SNX25: variants seen among roughly 807,000 people sequenced by gnomAD.
SNX25 encodes sorting nexin-25.
SNX25 carries 62 observed loss-of-function variants against 113.7 expected under a neutral mutation model. The observed-to-expected ratio is 0.55, with a 90% CI of 0.44 to 0.67. SNX25 has a LOEUF of 0.67. SNX25 is among the 30% of genes least tolerant of loss of function. The pLI, the probability that SNX25 is intolerant of heterozygous loss-of-function variation, is 0.00. For synonymous variants in SNX25, 421 were observed against 436.2 expected, an observed-to-expected ratio of 0.97 and a Z score of 0.43; for missense variants, 1,014 against 1,161.0, an observed-to-expected ratio of 0.87 and a Z score of 1.84.
At chr4:185,288,914 G>A (rs781652250) in intron 6 of SNX25, among the ~76,000 whole-genome samples, 3 of 152,162 alleles carry the variant, frequency 2.0e-5, no homozygotes, top group Non-Finnish European at 2.9e-5. Context: ...TCAAGTCTCC[G>A]CCAAGGAGAG....
chr4:185,225,397 T>C (rs978582983), intron 1 of SNX25, among the ~76,000 whole-genome samples: 16 of 152,252 alleles, frequency 1.1e-4, no homozygotes, highest in African/African-American at 3.6e-4. Context: ...GTGCTGGGAT[T>C]ACAGGCGTGA....
intron 5 of SNX25, among the ~76,000 whole-genome samples, chr4:185,275,233 C>T (rs889143831): frequency 3.9e-5 from 6 of 152,086 alleles, no homozygotes; most frequent in African/African-American, 1.4e-4. Context: ...TTTCTGACCC[C>T]TCATTTGAAG....
downstream of SNX25, chr4:185,370,638 A>T (rs762868946): frequency 6.2e-7 from 1 of 1,612,932 alleles, no homozygotes; most frequent in South Asian, 1.1e-5. Context: ...TCTAAAGCTT[A>T]CTTTAGAATA....
intron 6 of SNX25, among the ~76,000 whole-genome samples, chr4:185,310,393 T>A (rs530095781): frequency 1.1e-3 from 165 of 152,034 alleles, no homozygotes; most frequent in Non-Finnish European, 1.2e-3. Flanking sequence ...GAGGTTTTTT[T>A]AAAAAAATGT....
chr4:185,255,362 G>C (rs1002042077), intron 2 of SNX25, among the ~76,000 whole-genome samples: 11 of 152,142 alleles, frequency 7.2e-5, no homozygotes, highest in African/African-American at 2.7e-4. Context: ...TGGAACTCCT[G>C]ACCTCAGGTG....
intron 2 of SNX25, among the ~76,000 whole-genome samples, chr4:185,252,721 T>G (rs929328633): frequency 2.6e-5 from 4 of 152,182 alleles, no homozygotes; most frequent in African/African-American, 9.7e-5. Context: ...GTGTTGTAGC[T>G]CAGTATAAGT....
In SNX25 at chr4:185,210,005, C is replaced by T. The variant is rs946646526; in HGVS notation, c.179C>T (p.Pro60Leu). The T allele has an allele frequency of 3.9e-5, 38 of 983,788 alleles. No individual in the cohort carries two copies. The highest frequency in any genetic ancestry group is 5.2e-4 in the Middle Eastern group (1 of 1,910). 60.9% of individuals were successfully genotyped at this position (983,788 alleles called of 1,614,324 possible). ...CCGGGCGGCCGGAGCTGGTGGAAGCCCGTGGCGGTGGCCGCACTCGCCGCC... is the reference window on the plus strand; with the variant it reads ...CCGGGCGGCCGGAGCTGGTGGAAGCTCGTGGCGGTGGCCGCACTCGCCGCC... ...GAPGGRSWWK[P>L]VAVAALAAVA... The change falls in exon 1 of 19, where the codon CCC (proline) becomes CTC (leucine). Residue 60 changes from proline to leucine, a missense_variant. Coordinates refer to ENST00000652585, the MANE Select transcript of SNX25 (RefSeq NM_001378034.2). The surrounding 1 kb of genome is among the most constrained non-coding windows in gnomAD (Gnocchi z 4.4).
chr4:185,240,704 C>G (rs915661063), intron 1 of SNX25, among the ~76,000 whole-genome samples: 3 of 151,732 alleles, frequency 2.0e-5, no homozygotes, highest in African/African-American at 7.3e-5. Context: ...GGGGCTGACC[C>G]CCACCTCCCT....
chr4:185,346,951 A>G (rs2095290079), intron 13 of SNX25, among the ~76,000 whole-genome samples: 1 of 152,224 alleles, frequency 6.6e-6, no homozygotes, highest in Admixed American at 6.5e-5. Flanking sequence ...TCTAAAGGCA[A>G]CTGCTGTCCC....
intron 7 of SNX25, among the ~76,000 whole-genome samples, chr4:185,315,058 C>G (rs934784897): frequency 6.6e-5 from 10 of 151,044 alleles, no homozygotes; most frequent in South Asian, 6.3e-4. Context: ...GAAACCCCGT[C>G]TCTACTAAAA....
intron 6 of SNX25, among the ~76,000 whole-genome samples, chr4:185,300,050 T>G (rs562162829): frequency 3.3e-5 from 5 of 152,344 alleles, no homozygotes; most frequent in African/African-American, 1.2e-4. Context: ...AACTAAGTAG[T>G]TTTAGAATTT....
intron 10 of SNX25, among the ~76,000 whole-genome samples, chr4:185,335,209 A>C (rs1374084111): frequency 6.6e-6 from 1 of 151,566 alleles, no homozygotes. Context: ...AATCCCAGCT[A>C]CTCGGGAGGC....
chr4:185,228,886 G>A (rs1467370927), intron 1 of SNX25, among the ~76,000 whole-genome samples: 1 of 152,222 alleles, frequency 6.6e-6, no homozygotes, highest in Non-Finnish European at 1.5e-5. Context: ...GTATGGATCA[G>A]GAAGCAGGTT....
intron 9 of SNX25, among the ~76,000 whole-genome samples, chr4:185,325,577 C>T (rs764958075): frequency 5.4e-5 from 8 of 148,478 alleles, no homozygotes; most frequent in Admixed American, 3.3e-4. Context: ...GACTGATTTG[C>T]TGTATTATAT....
At chr4:185,318,569 A>G (rs80318996) in intron 7 of SNX25, among the ~76,000 whole-genome samples, 2,210 of 152,302 alleles carry the variant, frequency 0.015, 45 homozygotes, top group Middle Eastern at 0.061. Context: ...GATACTGTAA[A>G]CAAAAAGGCA....
chr4:185,343,270 G>T (rs1459031576), intron 12 of SNX25, among the ~76,000 whole-genome samples: 1 of 152,110 alleles, frequency 6.6e-6, no homozygotes, highest in East Asian at 1.9e-4. Context: ...TACCTTATGG[G>T]GTTGTTATGA....
chr4:185,330,548 T>C (rs2095187197), intron 9 of SNX25, among the ~76,000 whole-genome samples: 1 of 152,232 alleles, frequency 6.6e-6, no homozygotes, highest in Non-Finnish European at 1.5e-5. Context: ...TCATTTTGGA[T>C]AGCTCCAGTT....
intron 13 of SNX25, among the ~76,000 whole-genome samples, chr4:185,350,866 A>AG (rs1161510392): frequency 6.6e-6 from 1 of 152,214 alleles, no homozygotes; most frequent in Non-Finnish European, 1.5e-5. Context: ...CGTCTCAAAA[A>AG]AAAAGAAAAG....
intron 6 of SNX25, among the ~76,000 whole-genome samples, chr4:185,293,109 C>T (rs1205864309): frequency 6.6e-6 from 1 of 152,174 alleles, no homozygotes; most frequent in Non-Finnish European, 1.5e-5. Context: ...CACAGGACAT[C>T]ACTTCATGCC....
Sources: gnomAD v4.1 joint callset for allele counts (sites outside exome capture counted in the v4.1 genomes callset) on GRCh38, gnomAD v4.1.1 for gene constraint, Gnocchi (gnomAD v3.1) non-coding constraint, MANE v1.5 for transcripts, NCBI Gene and HGNC (gene_info 2026-07-23, HGNC 2026-07-21) for gene names.